The following CELF2 variants were observed in gnomAD, a reference collection of about 807,000 sequenced individuals.
CELF2 encodes CUG triplet repeat RNA-binding protein 2.
CELF2 carries 8 observed loss-of-function variants against 62.6 expected under a neutral mutation model. That is an observed-to-expected ratio of 0.13 (90% CI 0.07 to 0.23). The LOEUF (loss-of-function observed/expected upper bound fraction) is 0.23. Among genes scored for constraint, CELF2 ranks in the 10% least tolerant of loss-of-function variants. The pLI, the probability that CELF2 is intolerant of heterozygous loss-of-function variation, is 1.00. For missense variants in CELF2, 333 were observed against 671.0 expected, an observed-to-expected ratio of 0.50 and a Z score of 5.56; for synonymous variants, 258 against 250.0, an observed-to-expected ratio of 1.03 and a Z score of -0.30.
At chr10:10,712,569 C>G in the CELF2 span, among the ~76,000 whole-genome samples, 91,051 of 151,970 alleles carry the variant, frequency 0.6, 29,997 homozygotes, top group Non-Finnish European at 0.75. Flanking sequence ...CAAATACAAC[C>G]AGCAATGAAA....
chr10:10,763,982 G>C, the CELF2 span, among the ~76,000 whole-genome samples: 1 of 152,220 alleles, frequency 6.6e-6, no homozygotes, highest in Non-Finnish European at 1.5e-5. Context: ...AGTATTTCAC[G>C]CTGTGCGGCT....
the CELF2 span, among the ~76,000 whole-genome samples, chr10:10,637,010 A>G: frequency 1.3e-5 from 2 of 152,196 alleles, no homozygotes; most frequent in African/African-American, 2.4e-5. Flanking sequence ...AGTACTTTAG[A>G]TATTTAGATT....
upstream of CELF2, among the ~76,000 whole-genome samples, chr10:11,003,931 C>T (rs1439509675): frequency 6.6e-6 from 1 of 152,116 alleles, no homozygotes; most frequent in African/African-American, 2.4e-5. This position sits in a 1 kb window ranked among gnomAD's most constrained non-coding sequence, Gnocchi z 4.4. Context: ...TTCTTGTTGC[C>T]CTCTAGAAAT....
chr10:11,094,837 G>A (rs1486698194), intron 1 of CELF2, among the ~76,000 whole-genome samples: 1 of 152,174 alleles, frequency 6.6e-6, no homozygotes, highest in African/African-American at 2.4e-5. Context: ...CCCCTCAGTA[G>A]GGGACATTGA....
the CELF2 span, among the ~76,000 whole-genome samples, chr10:10,616,413 A>G: frequency 6.6e-6 from 1 of 151,302 alleles, no homozygotes; most frequent in African/African-American, 2.4e-5. Flanking sequence ...AATTCTCTCA[A>G]TTTCCCTGGG....
At chr10:10,674,980 T>C in the CELF2 span, among the ~76,000 whole-genome samples, 1 of 152,200 alleles carries the variant, frequency 6.6e-6, no homozygotes, top group Non-Finnish European at 1.5e-5. Context: ...CACACAAGCA[T>C]ACATAGTTGA....
chr10:10,491,580 C>G, the CELF2 span, among the ~76,000 whole-genome samples: 34 of 152,290 alleles, frequency 2.2e-4, no homozygotes, highest in South Asian at 4.1e-4. Context: ...TTGTTACAAA[C>G]TGTGGGTATT....
intron 1 of CELF2, among the ~76,000 whole-genome samples, chr10:10,809,612 A>G (rs1365269830): frequency 1.3e-5 from 2 of 152,238 alleles, no homozygotes; most frequent in African/African-American, 2.4e-5. Flanking sequence ...ACGTTTAATA[A>G]TTGATGCTTT....
At chr10:10,826,042 A>G (rs1276448787) in intron 1 of CELF2, among the ~76,000 whole-genome samples, 2 of 152,376 alleles carry the variant, frequency 1.3e-5, no homozygotes, top group South Asian at 2.1e-4. Flanking sequence ...ATAGAGTCAG[A>G]TAAAGGGGCT....
At chr10:10,628,873 C>T in the CELF2 span, among the ~76,000 whole-genome samples, 1 of 152,024 alleles carries the variant, frequency 6.6e-6, no homozygotes, top group African/African-American at 2.4e-5. Flanking sequence ...AAAAGACTTT[C>T]CTGTTTATCA....
At chr10:11,197,044 A>AGAAGGAAAGAAG (rs1554936515) in intron 2 of CELF2, among the ~76,000 whole-genome samples, 2 of 57,204 alleles carry the variant, frequency 3.5e-5, no homozygotes, top group African/African-American at 2.3e-4. Context: ...AAAGAAAGAA[A>AGAAGGAAAGAAG]GAAAGAAAGA....
At chr10:10,705,488 G>A in the CELF2 span, among the ~76,000 whole-genome samples, 1 of 152,242 alleles carries the variant, frequency 6.6e-6, no homozygotes, top group South Asian at 2.1e-4. Flanking sequence ...TTGAACTACA[G>A]GGAGAGAGAG....
chr10:11,025,608 C>T (rs190134654), intron 1 of CELF2, among the ~76,000 whole-genome samples: 3 of 152,256 alleles, frequency 2.0e-5, no homozygotes, highest in Admixed American at 6.5e-5. Context: ...TTATAAATTA[C>T]CCAGTCTCAG....
chr10:11,209,441 C>G (rs1340508087), intron 2 of CELF2, among the ~76,000 whole-genome samples: 1 of 151,936 alleles, frequency 6.6e-6, no homozygotes, highest in Admixed American at 6.5e-5. Flanking sequence ...ACATGGGTGA[C>G]CCTCCAGGAT....
In CELF2 at chr10:10,911,379, A is replaced by G. The variant is rs142498134; in HGVS notation, c.54-8585A>G. On this transcript the variant is annotated intron_variant, in intron 1 of 13. Transcript: ENST00000636488. ...AATAATACAAGTAAATTGTGAGCCA[A>G]ATAAAATCATAGCAAGGACTCTCAA... Among the ~76,000 whole-genome samples the G allele has an allele frequency of 5.0e-3, 756 of 152,344 alleles. 7 individuals are homozygous for G. The highest frequency in any genetic ancestry group is 0.017 in the African/African-American group (714 of 41,578).
At chr10:10,813,712 A>G (rs935764139) in intron 1 of CELF2, among the ~76,000 whole-genome samples, 6 of 152,226 alleles carry the variant, frequency 3.9e-5, no homozygotes, top group African/African-American at 1.4e-4. Context: ...TTTAAACTCT[A>G]TTTAAGCAGT....
At position 11,211,369 on chromosome 10, in the gene CELF2, T is replaced by C. The variant is rs1192862567; in HGVS notation, c.272-6056T>C. On this transcript the variant is annotated intron_variant, in intron 2 of 12. Transcript: ENST00000633077. This position sits in a 1 kb window ranked among gnomAD's most constrained non-coding sequence, Gnocchi z 4.8. Reference sequence around the variant, plus strand: ...AACAGTGTCTCAGAGCATCAAACCTTGGTTTAGAAACCTTGGAGGAAGTTT... The same window carrying C: ...AACAGTGTCTCAGAGCATCAAACCTCGGTTTAGAAACCTTGGAGGAAGTTT... 6.6e-6 allele frequency among the ~76,000 whole-genome samples: 1 copy of C among 152,196 alleles called. No homozygotes were observed. Among genetic ancestry groups the C allele is most frequent in the African/African-American group, 2.4e-5 (1 of 41,446 alleles).
chr10:10,744,210 T>C, the CELF2 span, among the ~76,000 whole-genome samples: 8 of 152,066 alleles, frequency 5.3e-5, no homozygotes, highest in South Asian at 1.7e-3. Flanking sequence ...AGCCACACTC[T>C]CTTCTACACA....
chr10:11,268,511 A>C lies in CELF2; in HGVS notation c.618+1834A>C, dbSNP rs1487758758. On this transcript the variant is annotated intron_variant, in intron 6 of 12. Transcript: ENST00000633077. The surrounding 1 kb of genome is among the most constrained non-coding windows in gnomAD (Gnocchi z 4.7). The stretch of plus-strand genomic sequence containing the variant: ...GGATCATAAAGCAGAACTGGGCATG[A>C]ACCAGGCTGAGAAACAGTAGGTTCC... Among the ~76,000 whole-genome samples, 1 of 152,194 alleles carries C rather than the reference A, an allele frequency of 6.6e-6. No individual in the cohort carries two copies. Among genetic ancestry groups the C allele is most frequent in the Non-Finnish European group, 1.5e-5 (1 of 68,028 alleles).
Sources: allele counts gnomAD v4.1 joint callset (sites outside exome capture counted in the v4.1 genomes callset), GRCh38; gene constraint gnomAD v4.1.1; non-coding constraint Gnocchi (gnomAD v3.1); transcripts MANE v1.5; gene names NCBI Gene and HGNC (gene_info 2026-07-23, HGNC 2026-07-21).